Variants in SNX10 observed in about 807,000 individuals in gnomAD.
The protein encoded by SNX10 is sorting nexin 10, also known as sorting nexin-10.
A neutral mutation model predicts 28.5 loss-of-function variants in SNX10; 25 were observed. The observed-to-expected ratio is 0.88, with a 90% CI of 0.64 to 1.22. The LOEUF (loss-of-function observed/expected upper bound fraction) is 1.22, where lower values mean the gene tolerates loss of function less well. SNX10 is among the 50% of genes most tolerant of loss of function. SNX10 has a pLI of 0.00. For synonymous variants in SNX10, 62 were observed against 81.4 expected (o/e 0.76, Z 1.28); for missense variants, 223 against 242.6 (o/e 0.92, Z 0.54).
At chr7:26,301,845 A>T (rs1172908915) in intron 1 of SNX10, among the ~76,000 whole-genome samples, 3 of 152,052 alleles carry the variant, frequency 2.0e-5, no homozygotes. Context: ...ACTTTATTTT[A>T]AGAGTCCCAC....
intron 1 of SNX10, among the ~76,000 whole-genome samples, chr7:26,308,673 A>G (rs1296582250): frequency 6.6e-6 from 1 of 152,130 alleles, no homozygotes; most frequent in Non-Finnish European, 1.5e-5. Context: ...TAAACCAGTA[A>G]TAAGTTTTGT....
At chr7:26,303,879 T>A (rs930177203) in intron 1 of SNX10, among the ~76,000 whole-genome samples, 1 of 152,226 alleles carries the variant, frequency 6.6e-6, no homozygotes, top group African/African-American at 2.4e-5. Context: ...AATAAACTAC[T>A]AATTCCCTGG....
intron 3 of SNX10, among the ~76,000 whole-genome samples, chr7:26,361,713 G>A (rs1789077242): frequency 1.3e-5 from 2 of 152,190 alleles, no homozygotes; most frequent in South Asian, 4.1e-4. Context: ...TACAGTTTCT[G>A]TCGAGACTAC....
At chr7:26,313,207 A>G (rs1469117294) in intron 1 of SNX10, among the ~76,000 whole-genome samples, 2 of 152,202 alleles carry the variant, frequency 1.3e-5, no homozygotes, top group Non-Finnish European at 2.9e-5. Context: ...ACCTGCCCCC[A>G]CTTTTTAAAA....
At chr7:26,369,754 C>CT (rs546623266) in intron 5 of SNX10, among the ~76,000 whole-genome samples, 249 of 152,240 alleles carry the variant, frequency 1.6e-3, no homozygotes, top group Middle Eastern at 3.4e-3. Context: ...AAAGAAAACG[C>CT]TGGGAAATAA....
intron 1 of SNX10, among the ~76,000 whole-genome samples, chr7:26,340,035 C>T (rs1788121528): frequency 1.3e-5 from 2 of 151,478 alleles, no homozygotes; most frequent in African/African-American, 4.9e-5. Flanking sequence ...ATAAACCATA[C>T]TTGTTATTCC....
At chr7:26,347,470 C>T (rs1285832712) in intron 2 of SNX10, among the ~76,000 whole-genome samples, 1 of 152,058 alleles carries the variant, frequency 6.6e-6, no homozygotes, top group Non-Finnish European at 1.5e-5. Context: ...AGCCTGGGAG[C>T]CAGAGGTTGC....
chr7:26,357,140 C>T (rs1259876907), intron 2 of SNX10: 1 of 629,566 alleles, frequency 1.6e-6, no homozygotes. Flanking sequence ...AATTACAATA[C>T]AGCACAGTAG....
Position 26,364,717 on chromosome 7 carries a change from A to T in SNX10, c.212+82A>T. 1 of 990,706 alleles carries T rather than the reference A, an allele frequency of 1.0e-6. No individual in the cohort carries two copies. The allele number at this position is 990,706 out of a possible 1,614,324, so 61.4% of individuals were successfully genotyped here. A position where few individuals can be genotyped will look rare whatever the true frequency, so the allele number is the denominator to read the frequency against. ...TGACGTTCATTAAGATATATAAGATATGAAGGATTTTTATAGGCTTTTGCC... is the reference window on the plus strand; with the variant it reads ...TGACGTTCATTAAGATATATAAGATTTGAAGGATTTTTATAGGCTTTTGCC... On this transcript the variant is annotated intron_variant, in intron 4 of 6. Coordinates refer to ENST00000338523, the MANE Select transcript of SNX10 (RefSeq NM_013322.3). The surrounding 1 kb of genome is among the most constrained non-coding windows in gnomAD (Gnocchi z 4.9).
chr7:26,315,127 A>C (rs1787024068), intron 1 of SNX10, among the ~76,000 whole-genome samples: 1 of 152,190 alleles, frequency 6.6e-6, no homozygotes. Context: ...ATTTAAACAA[A>C]ATGTATTAAT....
At chr7:26,363,587 G>A (rs1362264261) in intron 3 of SNX10, among the ~76,000 whole-genome samples, 1 of 151,902 alleles carries the variant, frequency 6.6e-6, no homozygotes, top group South Asian at 2.1e-4. Context: ...ATTTACTCTC[G>A]TCTTATGTTT....
intron 2 of SNX10, among the ~76,000 whole-genome samples, chr7:26,351,581 C>T (rs180752803): frequency 4.5e-4 from 68 of 150,742 alleles, no homozygotes; most frequent in African/African-American, 1.5e-3. Flanking sequence ...TAATGTATCT[C>T]GAGTGGGATC....
At chr7:26,353,256 C>T (rs937534566) in intron 2 of SNX10, among the ~76,000 whole-genome samples, 1 of 152,054 alleles carries the variant, frequency 6.6e-6, no homozygotes, top group Non-Finnish European at 1.5e-5. Context: ...TCATATGTCT[C>T]TTAAGTTATT....
intron 1 of SNX10, among the ~76,000 whole-genome samples, chr7:26,313,269 A>G (rs1412997896): frequency 6.6e-6 from 1 of 152,238 alleles, no homozygotes; most frequent in Non-Finnish European, 1.5e-5. Context: ...TACCCTCTTA[A>G]CAAACTTTCC....
intron 3 of SNX10, among the ~76,000 whole-genome samples, chr7:26,361,677 A>G (rs1394843745): frequency 6.6e-6 from 1 of 152,254 alleles, no homozygotes; most frequent in African/African-American, 2.4e-5. Flanking sequence ...CTGTAAAGGT[A>G]GTAAATATCT....
intron 1 of SNX10, among the ~76,000 whole-genome samples, chr7:26,298,104 G>A (rs1265151413): frequency 7.2e-6 from 1 of 139,220 alleles, no homozygotes; most frequent in Non-Finnish European, 1.6e-5. Flanking sequence ...GGTGGCAGGT[G>A]CCTGTAATCC....
intron 1 of SNX10, among the ~76,000 whole-genome samples, chr7:26,327,803 C>T (rs1428706191): frequency 7.1e-6 from 1 of 140,306 alleles, no homozygotes; most frequent in Non-Finnish European, 1.5e-5. Context: ...GATCTCGGCT[C>T]ACTGCAAGCT....
chr7:26,360,974 G>A lies in SNX10; in HGVS notation c.25-1G>A, dbSNP rs1457221277. On this transcript the variant is annotated splice_acceptor_variant, in intron 2 of 6. Transcript: ENST00000338523. LOFTEE classifies it high-confidence loss of function. ...TTTCTTTGTTTATGATGCCATTACA[G>A]GAATTTGTAAGTGTCTGGGTTCGAG... The A allele has an allele frequency of 6.2e-7, 1 of 1,612,534 alleles. No homozygotes were observed. Among genetic ancestry groups the A allele is most frequent in the Non-Finnish European group, 8.5e-7 (1 of 1,179,510 alleles).
At chr7:26,362,702 C>T (rs1483171941) in intron 3 of SNX10, among the ~76,000 whole-genome samples, 1 of 152,188 alleles carries the variant, frequency 6.6e-6, no homozygotes, top group Non-Finnish European at 1.5e-5. Context: ...TAGTTGTTAA[C>T]CCATAGAGCT....
Sources: allele counts gnomAD v4.1 joint callset (sites outside exome capture counted in the v4.1 genomes callset), GRCh38; gene constraint gnomAD v4.1.1; non-coding constraint Gnocchi (gnomAD v3.1); transcripts MANE v1.5; gene names NCBI Gene and HGNC (gene_info 2026-07-23, HGNC 2026-07-21).